The following NEMP2 variants were observed in gnomAD, a reference collection of about 807,000 sequenced individuals.
The protein encoded by NEMP2 is nuclear envelope integral membrane protein 2.
Under a neutral mutation model 54.2 loss-of-function variants are expected in NEMP2, and 53 were observed. The observed-to-expected ratio is 0.98, with a 90% CI of 0.78 to 1.23. The LOEUF (loss-of-function observed/expected upper bound fraction) is 1.23, where lower values mean the gene tolerates loss of function less well. Among genes scored for constraint, NEMP2 ranks in the 50% most tolerant of loss-of-function variants. NEMP2 has a pLI of 0.00. For missense variants in NEMP2, 455 were observed against 511.3 expected (o/e 0.89, Z 1.06); for synonymous variants, 197 against 190.3 (o/e 1.04, Z -0.29).
At chr2:190,545,306 C>A in the NEMP2 span, among the ~76,000 whole-genome samples, 112 of 152,276 alleles carry the variant, frequency 7.4e-4, no homozygotes, top group African/African-American at 2.6e-3. Context: ...AACTAACACA[C>A]CATTAGGAAA....
the NEMP2 span, among the ~76,000 whole-genome samples, chr2:190,492,901 G>A: frequency 6.6e-6 from 1 of 151,442 alleles, no homozygotes; most frequent in African/African-American, 2.4e-5. The surrounding 1 kb of genome is among the most constrained non-coding windows in gnomAD (Gnocchi z 5.2). Flanking sequence ...ACAAATCCTG[G>A]AAACACATCC....
the NEMP2 span, chr2:190,442,968 G>C: frequency 6.6e-6 from 1 of 152,194 alleles, no homozygotes; most frequent in Non-Finnish European, 1.5e-5. Flanking sequence ...TCAAGTTTCT[G>C]ATTTATTGAA....
At chr2:190,450,256 C>A in the NEMP2 span, among the ~76,000 whole-genome samples, 2 of 151,910 alleles carry the variant, frequency 1.3e-5, no homozygotes, top group East Asian at 3.9e-4. Flanking sequence ...TGGCAGACTG[C>A]AATTATATAA....
the NEMP2 span, among the ~76,000 whole-genome samples, chr2:190,563,749 G>T: frequency 6.6e-6 from 1 of 152,188 alleles, no homozygotes. The surrounding 1 kb of genome is among the most constrained non-coding windows in gnomAD (Gnocchi z 4.3). Flanking sequence ...TGTAATGATG[G>T]TGTCTGAGCT....
chr2:190,604,587 T>C, the NEMP2 span, among the ~76,000 whole-genome samples: 3 of 152,108 alleles, frequency 2.0e-5, no homozygotes, highest in Admixed American at 2.0e-4. The surrounding 1 kb of genome is among the most constrained non-coding windows in gnomAD (Gnocchi z 4.5). Flanking sequence ...TCATTTCACA[T>C]GTGAGATTCG....
chr2:190,589,418 G>A, the NEMP2 span, among the ~76,000 whole-genome samples: 1 of 152,122 alleles, frequency 6.6e-6, no homozygotes, highest in Non-Finnish European at 1.5e-5. This position sits in a 1 kb window ranked among gnomAD's most constrained non-coding sequence, Gnocchi z 4.3. Context: ...GACCCAATAA[G>A]CTTCACTAGT....
At chr2:190,451,394 C>T in the NEMP2 span, among the ~76,000 whole-genome samples, 3 of 152,188 alleles carry the variant, frequency 2.0e-5, no homozygotes, top group African/African-American at 7.2e-5. The surrounding 1 kb of genome is among the most constrained non-coding windows in gnomAD (Gnocchi z 5.0). Flanking sequence ...TAATTCATTC[C>T]TCCAACAAGT....
intron 2 of NEMP2, among the ~76,000 whole-genome samples, chr2:190,524,597 G>A (rs777439222): frequency 7.2e-5 from 11 of 152,118 alleles, no homozygotes; most frequent in Non-Finnish European, 1.3e-4. Context: ...CCTTCTCAAC[G>A]AGAACTACCC....
the NEMP2 span, among the ~76,000 whole-genome samples, chr2:190,636,859 G>A: frequency 2.6e-5 from 4 of 152,232 alleles, no homozygotes; most frequent in Non-Finnish European, 4.4e-5. Context: ...GGCATAAGGT[G>A]GAGGCCACCC....
the NEMP2 span, among the ~76,000 whole-genome samples, chr2:190,438,568 T>G: frequency 6.6e-6 from 1 of 152,202 alleles, no homozygotes; most frequent in African/African-American, 2.4e-5. This position sits in a 1 kb window ranked among gnomAD's most constrained non-coding sequence, Gnocchi z 5.2. Flanking sequence ...GTACTATTTC[T>G]TCTCACCATT....
At chr2:190,477,629 C>G in the NEMP2 span, among the ~76,000 whole-genome samples, 1 of 152,090 alleles carries the variant, frequency 6.6e-6, no homozygotes, top group Non-Finnish European at 1.5e-5. Context: ...TGACTAAGAG[C>G]CAGGCAGCAT....
At chr2:190,592,692 A>G in the NEMP2 span, among the ~76,000 whole-genome samples, 150 of 152,214 alleles carry the variant, frequency 9.9e-4, no homozygotes, top group African/African-American at 3.4e-3. This position sits in a 1 kb window ranked among gnomAD's most constrained non-coding sequence, Gnocchi z 4.4. Context: ...AAACCTAGAG[A>G]CAGGCTCTTT....
the NEMP2 span, among the ~76,000 whole-genome samples, chr2:190,468,653 C>A: frequency 7.0e-6 from 1 of 142,438 alleles, no homozygotes; most frequent in African/African-American, 2.6e-5. Flanking sequence ...GAGACAGGTT[C>A]TCACTATGTT....
chr2:190,489,740 C>T, the NEMP2 span: 2 of 1,596,326 alleles, frequency 1.3e-6, no homozygotes, highest in South Asian at 2.2e-5. This position sits in a 1 kb window ranked among gnomAD's most constrained non-coding sequence, Gnocchi z 6.6. Context: ...CTTGGAATTA[C>T]TCTATAGAGT....
the NEMP2 span, among the ~76,000 whole-genome samples, chr2:190,590,454 C>T: frequency 6.6e-6 from 1 of 152,150 alleles, no homozygotes. This position sits in a 1 kb window ranked among gnomAD's most constrained non-coding sequence, Gnocchi z 5.1. Flanking sequence ...CTTCCATGCT[C>T]GTCAACTGAG....
At chr2:190,618,167 C>A in the NEMP2 span, among the ~76,000 whole-genome samples, 1 of 152,216 alleles carries the variant, frequency 6.6e-6, no homozygotes, top group Non-Finnish European at 1.5e-5. Flanking sequence ...GGTAACTCAT[C>A]AAGGCCTTAG....
the NEMP2 span, among the ~76,000 whole-genome samples, chr2:190,468,953 G>C: frequency 2.0e-5 from 3 of 152,188 alleles, no homozygotes; most frequent in Non-Finnish European, 4.4e-5. Context: ...GTGCAGAGAA[G>C]TAGCCACTCT....
At chr2:190,599,865 C>G in the NEMP2 span, among the ~76,000 whole-genome samples, 2 of 152,162 alleles carry the variant, frequency 1.3e-5, no homozygotes, top group Non-Finnish European at 2.9e-5. Context: ...GCCCCATCCC[C>G]CCATCCCAAT....
At chr2:190,631,580 A>T in the NEMP2 span, among the ~76,000 whole-genome samples, 4 of 152,268 alleles carry the variant, frequency 2.6e-5, no homozygotes, top group African/African-American at 9.6e-5. Context: ...AACTTCTTTC[A>T]GATTATATAT....
Sources: allele counts gnomAD v4.1 joint callset (sites outside exome capture counted in the v4.1 genomes callset), GRCh38; gene constraint gnomAD v4.1.1; non-coding constraint Gnocchi (gnomAD v3.1); transcripts MANE v1.5; gene names NCBI Gene and HGNC (gene_info 2026-07-23, HGNC 2026-07-21).